Variants in ACTR3 observed in about 807,000 individuals in gnomAD.
ACTR3 encodes the protein actin related protein 3.
In ACTR3, 12 loss-of-function variants were observed where a neutral mutation model predicts 56.8. That is an observed-to-expected ratio of 0.21 (90% CI 0.14 to 0.34). The LOEUF (loss-of-function observed/expected upper bound fraction) is 0.34, where lower values mean the gene tolerates loss of function less well. Among genes scored for constraint, ACTR3 ranks in the 10% least tolerant of loss-of-function variants. The pLI is 1.00. For synonymous variants in ACTR3, 162 were observed against 167.4 expected (o/e 0.97, Z 0.25); for missense variants, 282 against 512.5 (o/e 0.55, Z 4.34).
At chr2:113,920,218 C>T (rs554699613) in intron 3 of ACTR3, among the ~76,000 whole-genome samples, 5 of 152,120 alleles carry the variant, frequency 3.3e-5, no homozygotes, top group Non-Finnish European at 5.9e-5. Flanking sequence ...CCACTGCGTC[C>T]GGCCTTTTAT....
At chr2:113,954,991 C>G (rs995865527) in intron 10 of ACTR3, 3 of 152,116 alleles carry the variant, frequency 2.0e-5, no homozygotes, top group African/African-American at 7.2e-5. Context: ...GTTTTCTGCC[C>G]TTCCATATTG....
At chr2:113,890,396 G>C in intron 1 of ACTR3, 73 bp downstream of exon 1, 1 of 1,417,204 alleles carries the variant, frequency 7.1e-7, no homozygotes, top group South Asian at 1.3e-5. Context: ...GGAGGAGGCC[G>C]GGAAATGAAT....
intron 5 of ACTR3, 92 bp downstream of exon 5, chr2:113,931,488 A>G (rs1000791350): frequency 4.8e-5 from 34 of 706,246 alleles, no homozygotes; most frequent in Non-Finnish European, 6.9e-5. Context: ...TTTTTTCTGC[A>G]AAGGTTTAAA....
At chr2:113,937,631 G>A in intron 6 of ACTR3, among the ~76,000 whole-genome samples, 1 of 152,154 alleles carries the variant, frequency 6.6e-6, no homozygotes. Context: ...TGGTATAGAA[G>A]GTTGACAGTT....
rs767178297 is a variant in ACTR3 at position 113,937,305 on chromosome 2, C to G, written c.541-2654C>G. Among the ~76,000 whole-genome samples the G allele has an allele frequency of 3.5e-4, 54 of 152,276 alleles. 1 individual carries two copies. Among genetic ancestry groups the G allele is most frequent in the Middle Eastern group, 3.4e-3 (1 of 294 alleles). ...ATTTTTAGTAGAGACGGGGTTTCAC[C>G]ATGTTGCTCAGGCTGGTCTTGAACT... On this transcript the variant is annotated intron_variant, in intron 6 of 11. Coordinates refer to ENST00000263238, the MANE Select transcript of ACTR3 (RefSeq NM_005721.5).
At chr2:113,892,056 CA>C (rs1179346964) in intron 1 of ACTR3, among the ~76,000 whole-genome samples, 1 of 152,080 alleles carries the variant, frequency 6.6e-6, no homozygotes, top group South Asian at 2.1e-4. Context: ...ACTGCGTTTT[CA>C]AAAAAATAGT....
chr2:113,908,023 T>G (rs1679231429), intron 1 of ACTR3, among the ~76,000 whole-genome samples: 1 of 149,174 alleles, frequency 6.7e-6, no homozygotes, highest in Admixed American at 6.6e-5. Context: ...GTGATACACT[T>G]GGTCAGGATC....
At position 113,958,571 on chromosome 2, in the gene ACTR3, ATAAAT is replaced by A. The variant is rs1559496425; in HGVS notation, c.*1121_*1125del. On this transcript the variant is annotated 3_prime_UTR_variant, in exon 12 of 12. Coordinates refer to ENST00000263238, the MANE Select transcript of ACTR3 (RefSeq NM_005721.5). ...GGATTATGAAGAAAAAGTGATGAAAATAAATTAAAACTGAATTACCTTTTCTAATG... is the reference window on the plus strand; with the variant it reads ...GGATTATGAAGAAAAAGTGATGAAAATAAAACTGAATTACCTTTTCTAATG... 1 of 151,648 alleles carries A rather than the reference ATAAAT, an allele frequency of 6.6e-6. No individual in the cohort carries two copies. The highest frequency in any genetic ancestry group is 1.5e-5 in the Non-Finnish European group (1 of 67,886). 9.4% of individuals were successfully genotyped at this position (151,648 alleles called of 1,614,324 possible). A position where few individuals can be genotyped will look rare whatever the true frequency, so the allele number is the denominator to read the frequency against.
intron 3 of ACTR3, among the ~76,000 whole-genome samples, chr2:113,926,811 G>A (rs1344500934): frequency 6.6e-6 from 1 of 152,156 alleles, no homozygotes; most frequent in Non-Finnish European, 1.5e-5. Flanking sequence ...ATCATAGTAG[G>A]TATCTTAGCA....
chr2:113,924,853 C>T (rs1679587524), intron 3 of ACTR3, among the ~76,000 whole-genome samples: 1 of 151,858 alleles, frequency 6.6e-6, no homozygotes, highest in Admixed American at 6.6e-5. Flanking sequence ...AACCTTTTCT[C>T]TCACAAAACA....
At chr2:113,949,286 G>A (rs1303663879) in intron 8 of ACTR3, among the ~76,000 whole-genome samples, 2 of 148,774 alleles carry the variant, frequency 1.3e-5, no homozygotes, top group African/African-American at 2.5e-5. Flanking sequence ...GCTGAGGTAG[G>A]AGAATTGCTT....
intron 2 of ACTR3, among the ~76,000 whole-genome samples, chr2:113,914,887 ATT>A: frequency 6.6e-6 from 1 of 152,218 alleles, no homozygotes; most frequent in African/African-American, 2.4e-5. Flanking sequence ...AGTGGCCTTT[ATT>A]ATTACCTTTT....
intron 1 of ACTR3, among the ~76,000 whole-genome samples, chr2:113,909,275 T>G (rs1679259047): frequency 6.6e-6 from 1 of 152,152 alleles, no homozygotes; most frequent in Non-Finnish European, 1.5e-5. Context: ...ATATTGACTG[T>G]TTTGTATTAG....
chr2:113,908,938 A>G (rs1309786670), intron 1 of ACTR3, among the ~76,000 whole-genome samples: 2 of 152,140 alleles, frequency 1.3e-5, no homozygotes, highest in East Asian at 1.9e-4. Context: ...CAACTTATGA[A>G]GTTAAGTAAA....
At chr2:113,928,608 A>C (rs982355905) in intron 4 of ACTR3, among the ~76,000 whole-genome samples, 1 of 152,172 alleles carries the variant, frequency 6.6e-6, no homozygotes, top group Non-Finnish European at 1.5e-5. Context: ...CTTTTTATAC[A>C]ATGGTCCCTG....
At chr2:113,916,603 G>C (rs965959313) in intron 2 of ACTR3, among the ~76,000 whole-genome samples, 1 of 152,064 alleles carries the variant, frequency 6.6e-6, no homozygotes, top group Non-Finnish European at 1.5e-5. Context: ...ATCAAAGGAG[G>C]ATTTATATAA....
chr2:113,900,187 A>T (rs569206163), intron 1 of ACTR3, among the ~76,000 whole-genome samples: 1 of 149,696 alleles, frequency 6.7e-6, no homozygotes. Context: ...AGTCAATTTC[A>T]TTTTTTTTTA....
At chr2:113,928,515 G>T (rs1679659909) in intron 4 of ACTR3, among the ~76,000 whole-genome samples, 1 of 144,422 alleles carries the variant, frequency 6.9e-6, no homozygotes, top group Admixed American at 6.9e-5. Flanking sequence ...TTTGACCAGG[G>T]TTTGGCAAAC....
In ACTR3 at chr2:113,902,580, A is replaced by G. The variant is rs576506439; in HGVS notation, c.45-10592A>G. ...ATTTAACTTGTTTCTCTAGATCACA[A>G]AGAGACATTTTTGGTTTAGTTTTTT... is the stretch of plus-strand genomic sequence containing the variant. On this transcript the variant is annotated intron_variant, in intron 1 of 11. Transcript: ENST00000263238. Among the ~76,000 whole-genome samples, 34 of 151,492 alleles carry G rather than the reference A, an allele frequency of 2.2e-4. 1 individual carries two copies. The South Asian group carries it at 7.1e-3, about 32-fold the overall frequency.
Sources: gnomAD v4.1 joint callset for allele counts (sites outside exome capture counted in the v4.1 genomes callset) on GRCh38, gnomAD v4.1.1 for gene constraint, MANE v1.5 for transcripts, NCBI Gene and HGNC (gene_info 2026-07-23, HGNC 2026-07-21) for gene names.